Variants in SPON1 observed in about 807,000 individuals in gnomAD.
The protein encoded by SPON1 is spondin 1, also known as spondin-1.
SPON1 carries 52 observed loss-of-function variants against 111.7 expected under a neutral mutation model. The observed-to-expected ratio is 0.47, with a 90% CI of 0.37 to 0.59. The LOEUF (loss-of-function observed/expected upper bound fraction) is 0.59, where lower values mean the gene tolerates loss of function less well. Among genes scored for constraint, SPON1 ranks in the 20% least tolerant of loss-of-function variants. The pLI, the probability that SPON1 is intolerant of heterozygous loss-of-function variation, is 0.00. For synonymous variants in SPON1, 410 were observed against 395.8 expected (o/e 1.04, Z -0.43); for missense variants, 957 against 1,068.5 (o/e 0.90, Z 1.46).
chr11:13,981,650 G>A (rs78767303), intron 1 of SPON1, among the ~76,000 whole-genome samples: 44 of 152,266 alleles, frequency 2.9e-4, no homozygotes, highest in Non-Finnish European at 2.5e-4. Flanking sequence ...CGGAAAAATC[G>A]TTTCCTGGGT....
chr11:14,239,732 A>G (rs1330348684), intron 6 of SPON1, among the ~76,000 whole-genome samples: 1 of 152,246 alleles, frequency 6.6e-6, no homozygotes, highest in Admixed American at 6.5e-5. Context: ...CTCAAAAACA[A>G]AACAAAAACA....
intron 1 of SPON1, among the ~76,000 whole-genome samples, chr11:13,974,337 G>A (rs1564876842): frequency 6.6e-6 from 1 of 152,220 alleles, no homozygotes; most frequent in Non-Finnish European, 1.5e-5. Context: ...CTGGCCATAG[G>A]ATGGAGCTGG....
rs573767543 is a variant in SPON1, at chr11:14,243,499, A to G, written c.890+103A>G. 4.3e-5 allele frequency: 41 copies of G among 951,874 alleles called. No individual in the cohort carries two copies. In the South Asian group the frequency reaches 5.3e-4, roughly 12 times the overall value. The allele number at this position is 951,874 out of a possible 1,614,324, so 59.0% of individuals were successfully genotyped here. On this transcript the variant is annotated intron_variant, in intron 7 of 15. Transcript: ENST00000576479. ...TACCAGTTATGCTGTTGAAGTTAGC[A>G]CTACTTCTCAGTTAACAAGCAGGCA...
Position 14,228,279 on chromosome 11 carries a change from G to A in SPON1, c.826-15053G>A, listed in dbSNP as rs190178498. Among the ~76,000 whole-genome samples the A allele has an allele frequency of 2.6e-5, 4 of 152,234 alleles. No individual in the cohort carries two copies. The East Asian group carries it at 7.7e-4, about 29-fold the overall frequency. Reference sequence around the variant, plus strand: ...CAGGCAGCAGCACACGTATCCTTTGGGCTTTACCTAGTCAAAATGTCTTTG... The same window carrying A: ...CAGGCAGCAGCACACGTATCCTTTGAGCTTTACCTAGTCAAAATGTCTTTG... On this transcript the variant is annotated intron_variant, in intron 6 of 15. Coordinates refer to ENST00000576479, the MANE Select transcript of SPON1 (RefSeq NM_006108.4). This position sits in a 1 kb window ranked among gnomAD's most constrained non-coding sequence, Gnocchi z 4.2.
intron 2 of SPON1, among the ~76,000 whole-genome samples, chr11:13,987,953 A>T (rs1258076287): frequency 4.6e-5 from 7 of 152,150 alleles, no homozygotes; most frequent in African/African-American, 1.7e-4. Context: ...TGGTTACTGT[A>T]GCCTTGTAGT....
chr11:14,158,741 T>G (rs782627180), intron 6 of SPON1, among the ~76,000 whole-genome samples: 5 of 152,216 alleles, frequency 3.3e-5, no homozygotes, highest in Non-Finnish European at 5.9e-5. Flanking sequence ...TTTATTCATT[T>G]TTTGTAGTTG....
At chr11:14,065,476 G>A (rs1375658636) in intron 3 of SPON1, among the ~76,000 whole-genome samples, 4 of 152,114 alleles carry the variant, frequency 2.6e-5, no homozygotes, top group Non-Finnish European at 5.9e-5. Flanking sequence ...ACAGAACACC[G>A]GAGAAACCCA....
At chr11:14,125,140 C>T (rs1847439418) in intron 5 of SPON1, among the ~76,000 whole-genome samples, 1 of 152,202 alleles carries the variant, frequency 6.6e-6, no homozygotes, top group Admixed American at 6.5e-5. Context: ...AAGCTGTGTC[C>T]TGGGCAGCAC....
intron 1 of SPON1, among the ~76,000 whole-genome samples, chr11:13,966,950 T>C (rs1225656873): frequency 6.6e-6 from 1 of 152,240 alleles, no homozygotes; most frequent in African/African-American, 2.4e-5. Context: ...TATGAGATGA[T>C]TATTTTGGAA....
chr11:13,996,724 T>TATAC (rs569794197), intron 2 of SPON1, among the ~76,000 whole-genome samples: 2 of 152,036 alleles, frequency 1.3e-5, no homozygotes, highest in Non-Finnish European at 2.9e-5. Context: ...TATATATATA[T>TATAC]ACACACACAC....
At chr11:14,253,717 C>G (rs986127101) in intron 7 of SPON1, among the ~76,000 whole-genome samples, 1 of 152,254 alleles carries the variant, frequency 6.6e-6, no homozygotes, top group African/African-American at 2.4e-5. Flanking sequence ...TGCCTTCAAG[C>G]CTCAGCCCCC....
chr11:14,022,968 C>T (rs980231717), intron 2 of SPON1, among the ~76,000 whole-genome samples: 1 of 152,176 alleles, frequency 6.6e-6, no homozygotes, highest in Non-Finnish European at 1.5e-5. Flanking sequence ...TTTGTTCCTC[C>T]CTCTTTTCCT....
At chr11:14,008,674 T>G (rs1303090252) in intron 2 of SPON1, among the ~76,000 whole-genome samples, 1 of 152,212 alleles carries the variant, frequency 6.6e-6, no homozygotes, top group Non-Finnish European at 1.5e-5. Flanking sequence ...TCTCCATCCC[T>G]GTCCTGAGAC....
chr11:14,184,815 C>T (rs1263760536), intron 6 of SPON1, among the ~76,000 whole-genome samples: 4 of 152,174 alleles, frequency 2.6e-5, no homozygotes, highest in Admixed American at 1.3e-4. Context: ...GGCCTATTTG[C>T]CCCTCCAGCC....
intron 1 of SPON1, among the ~76,000 whole-genome samples, chr11:13,979,958 A>G (rs1469293494): frequency 1.3e-5 from 2 of 152,014 alleles, no homozygotes; most frequent in African/African-American, 2.4e-5. Flanking sequence ...GTCCCCTGAC[A>G]GCATAACCAC....
At chr11:14,221,545 A>G (rs1848680971) in intron 6 of SPON1, among the ~76,000 whole-genome samples, 3 of 152,114 alleles carry the variant, frequency 2.0e-5, no homozygotes, top group Non-Finnish European at 4.4e-5. Flanking sequence ...ACAGTCATAT[A>G]AAGCAAGACA....
At chr11:14,249,720 T>C (rs1280323162) in intron 7 of SPON1, among the ~76,000 whole-genome samples, 5 of 152,210 alleles carry the variant, frequency 3.3e-5, no homozygotes, top group African/African-American at 1.2e-4. Context: ...TCTTTTCTTT[T>C]ATGGTGTTTT....
intron 6 of SPON1, among the ~76,000 whole-genome samples, chr11:14,186,374 G>A (rs1278527707): frequency 6.6e-6 from 1 of 152,220 alleles, no homozygotes; most frequent in African/African-American, 2.4e-5. Context: ...TTTGTTTTTG[G>A]TCTTGTGGGC....
chr11:14,058,340 C>T (rs971473973), intron 3 of SPON1, among the ~76,000 whole-genome samples: 9 of 152,138 alleles, frequency 5.9e-5, no homozygotes, highest in African/African-American at 9.6e-5. Flanking sequence ...CCTGTGTGAC[C>T]GGAGACTCGC....
Sources: gnomAD v4.1 joint callset for allele counts (sites outside exome capture counted in the v4.1 genomes callset) on GRCh38, gnomAD v4.1.1 for gene constraint, Gnocchi (gnomAD v3.1) non-coding constraint, MANE v1.5 for transcripts, NCBI Gene and HGNC (gene_info 2026-07-23, HGNC 2026-07-21) for gene names.